The following PLB1 variants were observed in gnomAD, a reference collection of about 807,000 sequenced individuals.
PLB1 encodes phospholipase B1, membrane-associated.
A neutral mutation model predicts 227.4 loss-of-function variants in PLB1; 242 were observed. The ratio of observed to expected loss-of-function variants is 1.06; its 90% CI spans 0.96 to 1.18. PLB1 has a LOEUF of 1.18. PLB1 is among the 50% of genes most tolerant of loss of function. PLB1 has a pLI of 0.00. For missense variants in PLB1, 1,858 were observed against 1,816.3 expected (o/e 1.02, Z -0.42); for synonymous variants, 757 against 682.2 (o/e 1.11, Z -1.71).
intron 19 of PLB1, 69 bp downstream of exon 19, chr2:28,565,422 C>A (rs1676722664): frequency 7.1e-7 from 1 of 1,409,482 alleles, no homozygotes; most frequent in South Asian, 1.2e-5. Context: ...CCTGAGTGTT[C>A]TAGAAAACAA....
At chr2:28,620,677 G>A (rs960047170) in intron 48 of PLB1, 34 bp downstream of exon 48, 5 of 1,612,858 alleles carry the variant, frequency 3.1e-6, no homozygotes, top group Non-Finnish European at 4.2e-6. Context: ...CCATCACTGT[G>A]GCCGTCCTCC....
intron 9 of PLB1, among the ~76,000 whole-genome samples, chr2:28,536,155 T>G (rs900994826): frequency 6.6e-6 from 1 of 152,208 alleles, no homozygotes. Context: ...GTGGAGACCT[T>G]TGGGCTCATT....
At chr2:28,560,550 G>GT (rs1270788349) in intron 17 of PLB1, among the ~76,000 whole-genome samples, 12 of 152,186 alleles carry the variant, frequency 7.9e-5, no homozygotes, top group Non-Finnish European at 1.2e-4. Flanking sequence ...GGAGGCTGAG[G>GT]TGGGAGGATC....
chr2:28,596,848 C>A (rs1057134950), intron 33 of PLB1, among the ~76,000 whole-genome samples: 2 of 152,250 alleles, frequency 1.3e-5, no homozygotes, highest in African/African-American at 4.8e-5. Flanking sequence ...TCCTTGACCA[C>A]TCTGGCATGC....
chr2:28,539,207 A>T (rs1234951099), intron 11 of PLB1, 29 bp downstream of exon 11: 1 of 1,577,932 alleles, frequency 6.3e-7, no homozygotes, highest in African/African-American at 1.3e-5. Context: ...TGAGACACGC[A>T]TCTGTGACAC....
intron 12 of PLB1, 45 bp downstream of exon 12, chr2:28,540,486 C>T (rs377350641): frequency 2.9e-5 from 45 of 1,549,342 alleles, no homozygotes; most frequent in South Asian, 1.1e-4. Flanking sequence ...ACCGGGGTGG[C>T]GTGGTCGCCA....
intron 1 of PLB1, among the ~76,000 whole-genome samples, chr2:28,508,986 C>G (rs1667934584): frequency 6.6e-6 from 1 of 152,178 alleles, no homozygotes; most frequent in Admixed American, 6.5e-5. Context: ...GTGTATGGCC[C>G]TCTCTCACTT....
chr2:28,499,606 C>T (rs907862410), intron 1 of PLB1, among the ~76,000 whole-genome samples: 2 of 151,118 alleles, frequency 1.3e-5, no homozygotes, highest in African/African-American at 4.9e-5. Flanking sequence ...AAATGTTAAG[C>T]TGGACGTGGT....
At position 28,541,776 on chromosome 2, in the gene PLB1, C is replaced by G; in HGVS notation, c.844C>G (p.Pro282Ala). The G allele has an allele frequency of 6.2e-7, 1 of 1,611,796 alleles. No individual in the cohort carries two copies. The change falls in exon 13 of 58, where the codon CCT becomes GCT. Residue 282 changes from proline to alanine, a missense_variant. Transcript: ENST00000327757. ...EQESFTVVFQ[P>A]FFYETTPSLH... is the part of the protein sequence containing the mutation. ...GGAGTCCTTCACCGTGGTTTTCCAG[C>G]CTTTCTTCTATGAGACCACCCCATC...
intron 45 of PLB1, 143 bp downstream of exon 45, chr2:28,617,930 G>A (rs1054465132): frequency 4.9e-6 from 4 of 813,408 alleles, no homozygotes; most frequent in South Asian, 3.1e-5. Context: ...GCGGCCTGCC[G>A]CCACAGCTGG....
At chr2:28,598,620 G>A (rs1683362490) in intron 34 of PLB1, 32 bp from the exon 35 acceptor site, 1 of 1,550,358 alleles carries the variant, frequency 6.5e-7, no homozygotes, top group Non-Finnish European at 8.9e-7. Context: ...TCTGTTCTGA[G>A]CCGTCTGCAT....
At position 28,591,573 on chromosome 2, in the gene PLB1, T is replaced by G. The variant is rs544502914; in HGVS notation, c.2128-127T>G. 3 of 951,764 alleles carry G rather than the reference T, an allele frequency of 3.2e-6. No homozygotes were observed. The South Asian group carries it at 4.8e-5, about 15-fold the overall frequency. The allele number at this position is 951,764 out of a possible 1,614,324, so 59.0% of individuals were successfully genotyped here. On this transcript the variant is annotated intron_variant, in intron 30 of 57. Coordinates refer to ENST00000327757, the MANE Select transcript of PLB1 (RefSeq NM_153021.5). The stretch of plus-strand genomic sequence containing the variant: ...TAGGGAGCCTTCTTCAAAGGCCCTT[T>G]TGAGGCCCCTCCCTAGGAGTAGGAC...
At chr2:28,594,064 C>G in intron 33 of PLB1, 1 of 671,350 alleles carries the variant, frequency 1.5e-6, no homozygotes, top group Non-Finnish European at 2.9e-6. Context: ...ATCTTCACCT[C>G]CCCGCTTGCA....
At chr2:28,530,800 G>T (rs901144483) in intron 8 of PLB1, among the ~76,000 whole-genome samples, 4 of 152,220 alleles carry the variant, frequency 2.6e-5, no homozygotes, top group Admixed American at 2.0e-4. Flanking sequence ...TGAAGTGAAG[G>T]TCATTCTAAG....
rs1026656655 is a variant in PLB1 at position 28,632,960 on chromosome 2, T to A, written c.4019T>A (p.Leu1340His). The change falls in exon 56 of 58, where the codon CTC (leucine) becomes CAC (histidine). Residue 1340 changes from leucine (L) to histidine (H), a missense_variant. Coordinates refer to ENST00000327757, the MANE Select transcript of PLB1 (RefSeq NM_153021.5). ...TPLNERGDTD[L>H]TFFSEDCFHF... The stretch of plus-strand genomic sequence containing the variant: ...TGGTTGCAGAGAGGGGACACTGACC[T>A]CACCTTCTTCTCCGAGGACTGTTTT... The A allele has an allele frequency of 1.2e-6, 2 of 1,605,950 alleles. No homozygotes were observed. The highest frequency in any genetic ancestry group is 3.0e-5 in the African/African-American group (2 of 67,732).
At chr2:28,565,391 A>G (rs2148242106) in intron 19 of PLB1, 38 bp downstream of exon 19, 2 of 1,557,810 alleles carry the variant, frequency 1.3e-6, no homozygotes, top group Non-Finnish European at 1.8e-6. Flanking sequence ...AGGCCCCTTC[A>G]TTGCAGAGCA....
chr2:28,596,701 G>A (rs1351800720), intron 33 of PLB1, among the ~76,000 whole-genome samples: 3 of 152,232 alleles, frequency 2.0e-5, no homozygotes, highest in East Asian at 1.9e-4. Context: ...TTAAACAAAC[G>A]CCCATCCACG....
At chr2:28,592,050 G>T (rs1374753399) in intron 31 of PLB1, among the ~76,000 whole-genome samples, 2 of 152,178 alleles carry the variant, frequency 1.3e-5, no homozygotes, top group Non-Finnish European at 2.9e-5. Context: ...TGGTGGCTCA[G>T]CCCAGAGGTG....
At chr2:28,609,893 A>C (rs1685201989) in intron 43 of PLB1, among the ~76,000 whole-genome samples, 2 of 152,112 alleles carry the variant, frequency 1.3e-5, no homozygotes, top group Admixed American at 6.5e-5. Flanking sequence ...GCAGGGGCTC[A>C]GATTCTCATC....
Sources: gnomAD v4.1 joint callset for allele counts (sites outside exome capture counted in the v4.1 genomes callset) on GRCh38, gnomAD v4.1.1 for gene constraint, MANE v1.5 for transcripts, NCBI Gene and HGNC (gene_info 2026-07-23, HGNC 2026-07-21) for gene names.